Variants in PLPP3 observed in about 807,000 individuals in gnomAD.
The protein encoded by PLPP3 is PAP2 beta.
Under a neutral mutation model 29.6 loss-of-function variants are expected in PLPP3, and 6 were observed. The ratio of observed to expected loss-of-function variants is 0.20; its 90% CI spans 0.11 to 0.40. The LOEUF (loss-of-function observed/expected upper bound fraction) is 0.40, where lower values mean the gene tolerates loss of function less well. Among genes scored for constraint, PLPP3 ranks in the 10% least tolerant of loss-of-function variants. The pLI is 1.00. For missense variants in PLPP3, 308 were observed against 407.7 expected (o/e 0.76, Z 2.11); for synonymous variants, 152 against 159.7 (o/e 0.95, Z 0.36).
chr1:56,503,417 G>A (rs1051842201), intron 5 of PLPP3, among the ~76,000 whole-genome samples: 12 of 152,174 alleles, frequency 7.9e-5, no homozygotes, highest in African/African-American at 1.4e-4. Context: ...GGCTGGCCGC[G>A]GTGGCTCACA....
At chr1:56,503,037 C>T (rs970926728) in intron 5 of PLPP3, among the ~76,000 whole-genome samples, 11 of 152,130 alleles carry the variant, frequency 7.2e-5, no homozygotes, top group Admixed American at 6.5e-4. Flanking sequence ...CCCTCATGCC[C>T]TAAGTACAGT....
chr1:56,532,925 C>T (rs1487750170), intron 2 of PLPP3, among the ~76,000 whole-genome samples: 1 of 152,050 alleles, frequency 6.6e-6, no homozygotes, highest in Non-Finnish European at 1.5e-5. Flanking sequence ...TTCTCTGTGA[C>T]CTTTGGAAGG....
chr1:56,519,967 C>T (rs901467088), intron 4 of PLPP3, among the ~76,000 whole-genome samples: 1 of 152,082 alleles, frequency 6.6e-6, no homozygotes, highest in Admixed American at 6.6e-5. Flanking sequence ...CTGGTGCTTC[C>T]GGTCTGCCAT....
intron 1 of PLPP3, among the ~76,000 whole-genome samples, chr1:56,565,620 C>T (rs1646156543): frequency 6.6e-6 from 1 of 152,054 alleles, no homozygotes; most frequent in Non-Finnish European, 1.5e-5. Flanking sequence ...AGGGTTTCAC[C>T]ATGTTGGCCA....
chr1:56,528,570 G>A (rs1438376652), intron 2 of PLPP3, among the ~76,000 whole-genome samples: 1 of 152,056 alleles, frequency 6.6e-6, no homozygotes, highest in African/African-American at 2.4e-5. Context: ...TAATATCTAT[G>A]TGGCAGGATT....
intron 2 of PLPP3, among the ~76,000 whole-genome samples, chr1:56,535,329 T>C (rs1645918492): frequency 6.6e-6 from 1 of 152,134 alleles, no homozygotes; most frequent in Non-Finnish European, 1.5e-5. Context: ...TGCATCCACA[T>C]TTTTCACGTG....
At chr1:56,542,710 A>T (rs777835595) in intron 1 of PLPP3, among the ~76,000 whole-genome samples, 64 of 152,124 alleles carry the variant, frequency 4.2e-4, no homozygotes, top group Non-Finnish European at 1.6e-4. Context: ...TAATTACTCA[A>T]ATTGGGCAGC....
intron 4 of PLPP3, among the ~76,000 whole-genome samples, chr1:56,516,649 A>G (rs1235648599): frequency 1.2e-4 from 19 of 152,106 alleles, no homozygotes; most frequent in Non-Finnish European, 1.5e-5. Context: ...CTACTTCCCA[A>G]GCCCCACAAT....
rs1645746626 is a variant in PLPP3, at chr1:56,512,298, GA to G, written c.634-147del. 9.5e-6 allele frequency: 7 copies of G among 735,468 alleles called. No homozygotes were observed. In the South Asian group the frequency reaches 1.5e-4, roughly 16 times the overall value. 45.6% of individuals were successfully genotyped at this position (735,468 alleles called of 1,614,324 possible). On this transcript the variant is annotated intron_variant, in intron 4 of 5. Coordinates refer to ENST00000371250, the MANE Select transcript of PLPP3 (RefSeq NM_003713.5). ...GTTGTAGATACAGCAATTTGAACAT[GA>G]CCTCAAGCCAGTTATTTAAATGCTG...
rs200383278 is a variant in PLPP3 at position 56,524,508 on chromosome 1, C to A, written c.344G>T (p.Arg115Leu). The part of the protein sequence containing the change: ...FYRIYYLKKS[R>L]STIQNPYVAA... ...CACGTAGGGGTTCTGAATCGTCGAC[C>A]GCGACTTCTTCAGGTAATAGATCCG... The change falls in exon 3 of 6, where the codon CGG becomes CTG. Residue 115 changes from arginine to leucine, a missense_variant. Coordinates refer to ENST00000371250, the MANE Select transcript of PLPP3 (RefSeq NM_003713.5). This position sits in a 1 kb window ranked among gnomAD's most constrained non-coding sequence, Gnocchi z 4.3. 1.2e-6 allele frequency: 2 copies of A among 1,612,716 alleles called. No individual in the cohort carries two copies. The highest frequency in any genetic ancestry group is 2.2e-5 in the East Asian group (1 of 44,840).
At chr1:56,529,055 T>G (rs1245529940) in intron 2 of PLPP3, among the ~76,000 whole-genome samples, 1 of 151,984 alleles carries the variant, frequency 6.6e-6, no homozygotes, top group African/African-American at 2.4e-5. Context: ...TCCTATACTC[T>G]GATCTGCTTT....
intron 5 of PLPP3, among the ~76,000 whole-genome samples, chr1:56,507,979 C>T (rs1185864366): frequency 6.6e-6 from 1 of 152,110 alleles, no homozygotes; most frequent in African/African-American, 2.4e-5. Flanking sequence ...AACAGATCTC[C>T]CCTTAGATCC....
intron 5 of PLPP3, among the ~76,000 whole-genome samples, chr1:56,499,797 C>G (rs557183779): frequency 6.6e-6 from 1 of 152,274 alleles, no homozygotes; most frequent in East Asian, 1.9e-4. Flanking sequence ...ACAAAAAGAC[C>G]TAGTAAAAGT....
intron 4 of PLPP3, among the ~76,000 whole-genome samples, chr1:56,516,614 G>C (rs1645782614): frequency 6.6e-6 from 1 of 151,884 alleles, no homozygotes; most frequent in Non-Finnish European, 1.5e-5. Context: ...GAAGGCCTCT[G>C]GGCTAGAGAA....
rs774976569 is a variant in PLPP3 at position 56,537,006 on chromosome 1, T to C, written c.246A>G (p.Thr82=). The C allele has an allele frequency of 6.2e-7, 1 of 1,613,664 alleles. No individual in the cohort carries two copies. The highest frequency in any genetic ancestry group is 1.1e-5 in the South Asian group (1 of 91,074). Reference sequence around the variant, plus strand: ...CGGCACAGAGCACAGCGTCATTTATTGTCTCACCAGTTTTCAGTGGGTACT... The same window carrying C: ...CGGCACAGAGCACAGCGTCATTTATCGTCTCACCAGTTTTCAGTGGGTACT... The part of the protein sequence containing the change: ...SIKYPLKTGE[T]INDAVLCAVG... The change falls in exon 2 of 6, where the codon ACA becomes ACG. Residue 82 remains threonine, a synonymous_variant. Coordinates refer to ENST00000371250, the MANE Select transcript of PLPP3 (RefSeq NM_003713.5).
intron 1 of PLPP3, among the ~76,000 whole-genome samples, chr1:56,575,984 C>T (rs2100315388): frequency 6.6e-6 from 1 of 152,200 alleles, no homozygotes. Context: ...AGATTCATAA[C>T]TGTATTTAAA....
At chr1:56,517,156 A>C (rs1231801301) in intron 4 of PLPP3, 1 of 152,232 alleles carries the variant, frequency 6.6e-6, no homozygotes, top group African/African-American at 2.4e-5. Flanking sequence ...GCTAAGAGTG[A>C]AAAGAAGGCT....
chr1:56,518,364 C>T (rs1241847811), intron 4 of PLPP3, among the ~76,000 whole-genome samples: 2 of 152,130 alleles, frequency 1.3e-5, no homozygotes, highest in Non-Finnish European at 2.9e-5. Context: ...ACTTCCATTT[C>T]CTTGGCACCC....
At chr1:56,578,778 G>T in intron 1 of PLPP3, 100 bp downstream of exon 1, 3 of 1,211,392 alleles carry the variant, frequency 2.5e-6, no homozygotes, top group East Asian at 3.5e-5. Context: ...CGGAGCTGAC[G>T]GCGCGGCGCG....
Sources: allele counts gnomAD v4.1 joint callset (sites outside exome capture counted in the v4.1 genomes callset), GRCh38; gene constraint gnomAD v4.1.1; non-coding constraint Gnocchi (gnomAD v3.1); transcripts MANE v1.5; gene names NCBI Gene and HGNC (gene_info 2026-07-23, HGNC 2026-07-21).